The following TINAG variants were observed in gnomAD, a reference collection of about 807,000 sequenced individuals.
The protein encoded by TINAG is tubulointerstitial nephritis antigen.
TINAG carries 83 observed loss-of-function variants against 72.7 expected under a neutral mutation model. The observed-to-expected ratio is 1.14, with a 90% CI of 0.96 to 1.37. The LOEUF (loss-of-function observed/expected upper bound fraction) is 1.37. Among genes scored for constraint, TINAG ranks in the 40% most tolerant of loss-of-function variants. The probability of loss-of-function intolerance (pLI) is 0.00; values close to 1 mark genes in which losing one functional copy is unlikely to be tolerated. For synonymous variants in TINAG, 234 were observed against 189.9 expected (o/e 1.23, Z -1.91); for missense variants, 685 against 576.6 (o/e 1.19, Z -1.93).
At chr6:54,325,056 T>C (rs546244089) in intron 3 of TINAG, among the ~76,000 whole-genome samples, 4 of 152,350 alleles carry the variant, frequency 2.6e-5, no homozygotes, top group South Asian at 2.1e-4. Flanking sequence ...CAAACCTGCA[T>C]GCTTTGCTCA....
At chr6:54,348,610 GT>G (rs1158223887) in intron 6 of TINAG, among the ~76,000 whole-genome samples, 2 of 151,946 alleles carry the variant, frequency 1.3e-5, no homozygotes. Context: ...GAGAGCTCTG[GT>G]TTCTTCCTTT....
In TINAG at chr6:54,308,849, C is replaced by A. The variant is rs776117214; in HGVS notation, c.299C>A (p.Ser100Tyr). The change falls in exon 1 of 11, where the codon TCC becomes TAC. Residue 100 changes from serine to tyrosine, a missense_variant. Transcript: ENST00000259782. ...ENSDCCPDYKSFCREEKEWPP... is the reference protein window; with the variant it reads ...ENSDCCPDYKYFCREEKEWPP... Reference sequence around the variant, plus strand: ...TCTGATTGCTGTCCTGACTACAAGTCCTTTTGCCGTGAAGAGAAAGAATGG... The same window carrying A: ...TCTGATTGCTGTCCTGACTACAAGTACTTTTGCCGTGAAGAGAAAGAATGG... The A allele has an allele frequency of 6.2e-7, 1 of 1,613,652 alleles. No individual in the cohort carries two copies. Among genetic ancestry groups the A allele is most frequent in the South Asian group, 1.1e-5 (1 of 91,074 alleles).
At chr6:54,368,777 A>G (rs2150973316) in intron 9 of TINAG, among the ~76,000 whole-genome samples, 1 of 151,830 alleles carries the variant, frequency 6.6e-6, no homozygotes, top group East Asian at 1.9e-4. Flanking sequence ...ACTTAAATTG[A>G]ATTTTTTTAA....
chr6:54,342,725 G>T (rs1785028387), intron 4 of TINAG, among the ~76,000 whole-genome samples: 2 of 152,110 alleles, frequency 1.3e-5, no homozygotes, highest in African/African-American at 4.8e-5. Flanking sequence ...CATCCTAGTT[G>T]TATTTCCTAA....
At chr6:54,322,094 C>T (rs906867262) in intron 3 of TINAG, among the ~76,000 whole-genome samples, 2 of 151,938 alleles carry the variant, frequency 1.3e-5, no homozygotes, top group Non-Finnish European at 2.9e-5. Flanking sequence ...TCACTTGAGG[C>T]CAGGAGTTCA....
intron 1 of TINAG, among the ~76,000 whole-genome samples, chr6:54,317,924 T>C (rs1784409402): frequency 6.6e-6 from 1 of 152,162 alleles, no homozygotes; most frequent in African/African-American, 2.4e-5. Flanking sequence ...TTCAGATGTC[T>C]GTTTTTGTGT....
At chr6:54,352,290 C>A (rs181768240) in intron 8 of TINAG, among the ~76,000 whole-genome samples, 1 of 151,834 alleles carries the variant, frequency 6.6e-6, no homozygotes, top group Admixed American at 6.6e-5. Flanking sequence ...TAATTAGTAT[C>A]GGTTAAATAT....
intron 9 of TINAG, among the ~76,000 whole-genome samples, chr6:54,355,852 AGAAGGAAG>A (rs201832646): frequency 6.6e-6 from 1 of 151,722 alleles, no homozygotes; most frequent in East Asian, 1.9e-4. Flanking sequence ...AAAGAAAGAA[AGAAGGAAG>A]GAAGGAAGGA....
At chr6:54,380,188 T>G (rs2150982219) in intron 9 of TINAG, among the ~76,000 whole-genome samples, 1 of 152,192 alleles carries the variant, frequency 6.6e-6, no homozygotes, top group Non-Finnish European at 1.5e-5. Context: ...TGATGGGCAT[T>G]TGGGTTAATT....
chr6:54,334,986 C>T (rs765641690), intron 4 of TINAG, among the ~76,000 whole-genome samples: 14 of 151,768 alleles, frequency 9.2e-5, no homozygotes, highest in Non-Finnish European at 2.1e-4. Flanking sequence ...TTGTTCTTAC[C>T]CAGTGAGAAA....
chr6:54,350,454 A>G (rs1351162284), intron 7 of TINAG, among the ~76,000 whole-genome samples: 1 of 151,776 alleles, frequency 6.6e-6, no homozygotes, highest in African/African-American at 2.4e-5. Context: ...TAACCATAGC[A>G]CATTGGCCTT....
intron 9 of TINAG, among the ~76,000 whole-genome samples, chr6:54,364,060 A>G (rs1275251617): frequency 6.6e-6 from 1 of 151,558 alleles, no homozygotes; most frequent in African/African-American, 2.4e-5. Flanking sequence ...TTATCTGTAG[A>G]AAAAAGATGT....
intron 4 of TINAG, among the ~76,000 whole-genome samples, chr6:54,333,789 A>C (rs969909024): frequency 1.3e-5 from 2 of 152,060 alleles, no homozygotes; most frequent in African/African-American, 4.8e-5. Flanking sequence ...ACCTAAACAC[A>C]GTTATTTTGT....
chr6:54,379,436 C>T (rs1305055289), intron 9 of TINAG, among the ~76,000 whole-genome samples: 1 of 152,130 alleles, frequency 6.6e-6, no homozygotes, highest in East Asian at 1.9e-4. Context: ...TATGAGCTGT[C>T]ATGTGCTACA....
chr6:54,340,513 A>G (rs1784972140), intron 4 of TINAG, among the ~76,000 whole-genome samples: 1 of 152,152 alleles, frequency 6.6e-6, no homozygotes, highest in Non-Finnish European at 1.5e-5. Context: ...TAAACAATTT[A>G]CTTTACAGAG....
At chr6:54,313,375 A>G (rs1233035566) in intron 1 of TINAG, among the ~76,000 whole-genome samples, 1 of 152,164 alleles carries the variant, frequency 6.6e-6, no homozygotes, top group African/African-American at 2.4e-5. Flanking sequence ...CACCCCTCAC[A>G]GAACCTGCAC....
chr6:54,333,663 G>T (rs1457644361), intron 4 of TINAG, among the ~76,000 whole-genome samples: 1 of 151,610 alleles, frequency 6.6e-6, no homozygotes. Flanking sequence ...TCCAGAAAAA[G>T]AATAATTGAG....
chr6:54,365,939 A>G lies in TINAG; in HGVS notation c.1250+11303A>G, dbSNP rs546686243. 2.0e-5 allele frequency among the ~76,000 whole-genome samples: 3 copies of G among 151,452 alleles called. No individual in the cohort carries two copies. In the Admixed American group the frequency reaches 2.0e-4, roughly 10 times the overall value. On this transcript the variant is annotated intron_variant, in intron 9 of 10. Transcript: ENST00000259782. ...CAGCTACTTAGGAAGCTGAGGCAAA[A>G]ATCTTGTTTGAGCCTAGGAGTTCAT...
At chr6:54,351,887 A>C (rs557452691) in intron 8 of TINAG, among the ~76,000 whole-genome samples, 3 of 152,038 alleles carry the variant, frequency 2.0e-5, no homozygotes, top group South Asian at 4.1e-4. Flanking sequence ...GTAATTTTAC[A>C]TTTTACAAAA....
Sources: gnomAD v4.1 joint callset for allele counts (sites outside exome capture counted in the v4.1 genomes callset) on GRCh38, gnomAD v4.1.1 for gene constraint, MANE v1.5 for transcripts, NCBI Gene and HGNC (gene_info 2026-07-23, HGNC 2026-07-21) for gene names.